The following MCC variants were observed in gnomAD, a reference collection of about 807,000 sequenced individuals.
MCC encodes colorectal mutant cancer protein.
Under a neutral mutation model 116.2 loss-of-function variants are expected in MCC, and 90 were observed. The ratio of observed to expected loss-of-function variants is 0.77; its 90% CI spans 0.65 to 0.92. The LOEUF (loss-of-function observed/expected upper bound fraction) is 0.92, where lower values mean the gene tolerates loss of function less well. Among genes scored for constraint, MCC ranks in the 40% least tolerant of loss-of-function variants. The probability of loss-of-function intolerance (pLI) is 0.00; values close to 1 mark genes in which losing one functional copy is unlikely to be tolerated. For missense variants in MCC, 1,516 were observed against 1,312.2 expected, an observed-to-expected ratio of 1.16 and a Z score of -2.40; for synonymous variants, 578 against 510.5, an observed-to-expected ratio of 1.13 and a Z score of -1.78.
At chr5:113,247,126 A>G (rs1230775841) in intron 3 of MCC, among the ~76,000 whole-genome samples, 1 of 152,224 alleles carries the variant, frequency 6.6e-6, no homozygotes, top group East Asian at 1.9e-4. Flanking sequence ...CCTGCCCTGG[A>G]GTAGTTTACA....
chr5:113,364,974 G>A (rs1768650138), intron 2 of MCC, among the ~76,000 whole-genome samples: 1 of 152,142 alleles, frequency 6.6e-6, no homozygotes, highest in African/African-American at 2.4e-5. Flanking sequence ...TGATGAGAGG[G>A]GCTGCTGTGC....
chr5:113,260,222 T>C (rs1765170720), intron 3 of MCC, among the ~76,000 whole-genome samples: 2 of 152,204 alleles, frequency 1.3e-5, no homozygotes, highest in African/African-American at 4.8e-5. Context: ...CTGTTATTTA[T>C]CATATTCAAA....
chr5:113,121,476 C>A (rs1400036822), intron 6 of MCC, among the ~76,000 whole-genome samples: 1 of 152,132 alleles, frequency 6.6e-6, no homozygotes, highest in Non-Finnish European at 1.5e-5. Flanking sequence ...AAATGCATTC[C>A]TCTCCCTCAC....
chr5:113,487,181 T>G (rs1772554659), intron 1 of MCC, among the ~76,000 whole-genome samples: 1 of 151,576 alleles, frequency 6.6e-6, no homozygotes, highest in African/African-American at 2.4e-5. Flanking sequence ...AGGGAAAAAT[T>G]CCGCACTTTG....
At chr5:113,049,350 G>A (rs1016534771) in intron 15 of MCC, 51 bp from the exon 16 acceptor site, 1 of 1,452,080 alleles carries the variant, frequency 6.9e-7, no homozygotes, top group African/African-American at 1.4e-5. Context: ...TCTGAGAGCA[G>A]GCCTGGCTGC....
At chr5:113,425,012 T>C (rs904389720) in intron 1 of MCC, among the ~76,000 whole-genome samples, 2 of 152,054 alleles carry the variant, frequency 1.3e-5, no homozygotes, top group Admixed American at 6.5e-5. Flanking sequence ...ATCACACATA[T>C]AATTAAGAAA....
At chr5:113,392,576 T>C (rs970058247) in intron 1 of MCC, among the ~76,000 whole-genome samples, 1 of 151,858 alleles carries the variant, frequency 6.6e-6, no homozygotes, top group Non-Finnish European at 1.5e-5. Flanking sequence ...TAGTTACATG[T>C]GCTCAAGAAA....
chr5:113,271,346 T>TGAGGATCCC (rs1765611006), intron 3 of MCC, among the ~76,000 whole-genome samples: 1 of 152,150 alleles, frequency 6.6e-6, no homozygotes, highest in South Asian at 2.1e-4. Context: ...GTGTACACAG[T>TGAGGATCCC]GAGGATCCCT....
chr5:113,091,883 G>GACACACACACACAC (rs149076453), intron 8 of MCC, among the ~76,000 whole-genome samples: 2 of 149,796 alleles, frequency 1.3e-5, no homozygotes, highest in African/African-American at 4.9e-5. Context: ...ATGAGACTCA[G>GACACACACACACAC]ACACACACAC....
At chr5:113,136,624 A>C (rs1273563288) in intron 5 of MCC, among the ~76,000 whole-genome samples, 1 of 152,140 alleles carries the variant, frequency 6.6e-6, no homozygotes, top group Non-Finnish European at 1.5e-5. Flanking sequence ...TTGTAAATGG[A>C]ATTGACTTAT....
At chr5:113,401,502 C>G (rs886667795) in intron 1 of MCC, among the ~76,000 whole-genome samples, 1 of 152,198 alleles carries the variant, frequency 6.6e-6, no homozygotes, top group Non-Finnish European at 1.5e-5. Flanking sequence ...CCAGCCTTCT[C>G]AATCCTCTGT....
Position 113,027,355 on chromosome 5 carries a change from C to T in MCC, c.3007G>A (p.Ala1003Thr). Residue 1003 changes from alanine (A) to threonine (T), a missense_variant, in exon 19 of 19, where the codon GCT (alanine) becomes ACT (threonine). By Grantham distance (58) the Ala-to-Thr change is moderately conservative. Coordinates refer to ENST00000408903, the MANE Select transcript of MCC (RefSeq NM_001085377.2). ...TQVRMLKQRI[A>T]LLEEENSRPH... ...CTGGAGTTCTCCTCCTCTAGCAGAG[C>T]TATTCTTTGCTTGAGCATCCTCACT... The T allele has an allele frequency of 6.2e-7, 1 of 1,614,196 alleles. No homozygotes were observed. Among genetic ancestry groups the T allele is most frequent in the Non-Finnish European group, 8.5e-7 (1 of 1,180,006 alleles).
At chr5:113,045,641 A>G (rs1752020911) in intron 16 of MCC, among the ~76,000 whole-genome samples, 1 of 152,012 alleles carries the variant, frequency 6.6e-6, no homozygotes, top group South Asian at 2.1e-4. Flanking sequence ...CTCTACTAAA[A>G]ATACAAAATT....
At chr5:113,408,285 T>G (rs541845945) in intron 1 of MCC, among the ~76,000 whole-genome samples, 95 of 152,286 alleles carry the variant, frequency 6.2e-4, no homozygotes, top group African/African-American at 2.2e-3. Flanking sequence ...GTGTCTCAGT[T>G]TTCCTGAATT....
chr5:113,354,495 C>T (rs1005087039), intron 2 of MCC, among the ~76,000 whole-genome samples: 8 of 148,078 alleles, frequency 5.4e-5, no homozygotes, highest in Non-Finnish European at 1.0e-4. Context: ...AGTGCAGTGG[C>T]ACGATCTCGG....
At chr5:113,286,719 C>T (rs1766277158) in intron 3 of MCC, among the ~76,000 whole-genome samples, 1 of 152,194 alleles carries the variant, frequency 6.6e-6, no homozygotes, top group Admixed American at 6.5e-5. Flanking sequence ...GAATTAATAG[C>T]TGCTAACTAC....
chr5:113,291,006 C>T (rs573348501), intron 3 of MCC, among the ~76,000 whole-genome samples: 3 of 152,120 alleles, frequency 2.0e-5, no homozygotes, highest in Non-Finnish European at 4.4e-5. Flanking sequence ...TTCAAAAAAG[C>T]GTTCAGACTT....
intron 1 of MCC, among the ~76,000 whole-genome samples, chr5:113,485,149 T>C (rs78832497): frequency 0.034 from 5,201 of 152,216 alleles, 114 homozygotes; most frequent in East Asian, 0.077. Context: ...CAAGAGAATA[T>C]TGAAAGCACA....
chr5:113,345,043 G>C (rs1487473260), intron 2 of MCC, among the ~76,000 whole-genome samples: 1 of 152,082 alleles, frequency 6.6e-6, no homozygotes, highest in East Asian at 1.9e-4. Flanking sequence ...TGCCCTGAAA[G>C]TGAGTCCCAG....
Sources: allele counts gnomAD v4.1 joint callset (sites outside exome capture counted in the v4.1 genomes callset), GRCh38; gene constraint gnomAD v4.1.1; transcripts MANE v1.5; gene names NCBI Gene and HGNC (gene_info 2026-07-23, HGNC 2026-07-21).